The following RP2 variants were observed in gnomAD, a reference collection of about 807,000 sequenced individuals.
The protein encoded by RP2 is RP2 activator of ARL3 GTPase, also known as protein XRP2.
RP2 carries 3 observed loss-of-function variants against 20.3 expected under a neutral mutation model. The observed-to-expected ratio is 0.15, with a 90% CI of 0.07 to 0.38. The LOEUF is 0.38. Among genes scored for constraint, RP2 ranks in the 10% least tolerant of loss-of-function variants. The probability of loss-of-function intolerance (pLI) is 1.00; values close to 1 mark genes in which losing one functional copy is unlikely to be tolerated. For missense variants in RP2, 233 were observed against 268.5 expected (o/e 0.87, Z 0.92); for synonymous variants, 75 against 94.8 (o/e 0.79, Z 1.22).
chrX:46,874,268 T>C (rs900001822), intron 3 of RP2, among the ~76,000 whole-genome samples: 6 of 111,724 alleles, frequency 5.4e-5, no homozygotes, highest in African/African-American at 1.9e-4. Flanking sequence ...GATTACATGT[T>C]CTTTATAGAA....
chrX:46,847,744 A>ATGTGTGTGTGTATATACACACG (rs1924754599), intron 1 of RP2, among the ~76,000 whole-genome samples: 1 of 81,529 alleles, frequency 1.2e-5, no homozygotes, highest in Non-Finnish European at 2.4e-5. Context: ...ATACACACAT[A>ATGTGTGTGTGTATATACACACG]TGTGTGTGTG....
intron 3 of RP2, among the ~76,000 whole-genome samples, chrX:46,864,385 T>TG (rs1181450995): frequency 1.9e-5 from 2 of 104,567 alleles, no homozygotes; most frequent in Non-Finnish European, 2.0e-5. Context: ...CTCACTGTGT[T>TG]GTCCAGGCTA....
At chrX:46,842,098 G>C (rs1249713505) in intron 1 of RP2, among the ~76,000 whole-genome samples, 1 of 111,385 alleles carries the variant, frequency 9.0e-6, no homozygotes, top group Admixed American at 9.6e-5. Context: ...TTTTTTAGTA[G>C]AGATGAGGTT....
At position 46,882,201 on chromosome X, in the gene RP2, TAA is replaced by T. The variant is rs1352364827; in HGVS notation, c.*2433_*2434del. ...AACAATGAAAAATTGGTAATTTTAT[TAA>T]GTTATATGTGTTTAAATATTATATT... On this transcript the variant is annotated 3_prime_UTR_variant, in exon 5 of 5. Transcript: ENST00000218340. 8.9e-6 allele frequency: 1 copy of T among 112,707 alleles called. No individual in the cohort carries two copies. Among genetic ancestry groups the T allele is most frequent in the Non-Finnish European group, 1.9e-5 (1 of 53,400 alleles). 9.3% of individuals were successfully genotyped at this position (112,707 alleles called of 1,213,427 possible). A position where few individuals can be genotyped will look rare whatever the true frequency, so the allele number is the denominator to read the frequency against.
Position 46,876,625 on chromosome X carries a change from GA to G in RP2, c.884-870del, listed in dbSNP as rs1266969421. Among the ~76,000 whole-genome samples the G allele has an allele frequency of 1.2e-4, 13 of 107,474 alleles. No homozygotes were observed. The South Asian group carries it at 4.3e-3, about 35-fold the overall frequency. The allele number at this position is 107,474 out of a possible 115,157, so 93.3% of individuals were successfully genotyped here. A position where few individuals can be genotyped will look rare whatever the true frequency, so the allele number is the denominator to read the frequency against. ...CCTGTATTATATCACAAGCCTCCAA[GA>G]AAAAAAAAATCACAAGCCTTCAGTT... On this transcript the variant is annotated intron_variant, in intron 3 of 4. Transcript: ENST00000218340.
chrX:46,860,163 A>T, intron 3 of RP2, 61 bp downstream of exon 3: 1 of 796,434 alleles, frequency 1.3e-6, no homozygotes, highest in Non-Finnish European at 1.9e-6. Context: ...GATTTGATTT[A>T]CTTTTGCCTT....
At chrX:46,843,433 A>G (rs995633778) in intron 1 of RP2, among the ~76,000 whole-genome samples, 2 of 112,214 alleles carry the variant, frequency 1.8e-5, no homozygotes, top group Non-Finnish European at 3.8e-5. Context: ...TAAAAAGCAT[A>G]GAGAGTGAAA....
At chrX:46,874,838 A>C (rs1039770479) in intron 3 of RP2, among the ~76,000 whole-genome samples, 16 of 107,626 alleles carry the variant, frequency 1.5e-4, no homozygotes, top group African/African-American at 5.4e-4. Context: ...TTTTTTTTTT[A>C]ATCTTCTATC....
chrX:46,877,692 G>T, intron 4 of RP2, 102 bp downstream of exon 4: 1 of 460,271 alleles, frequency 2.2e-6, no homozygotes, highest in Non-Finnish European at 3.6e-6. Flanking sequence ...AATGTTGCTT[G>T]GAATTTTTGG....
intron 3 of RP2, among the ~76,000 whole-genome samples, chrX:46,865,906 A>T (rs1925163047): frequency 9.2e-6 from 1 of 108,859 alleles, no homozygotes; most frequent in Non-Finnish European, 1.9e-5. Flanking sequence ...AGCCTGGGCG[A>T]CAGAGTGAGA....
chrX:46,857,513 C>A (rs1434080256), intron 2 of RP2, among the ~76,000 whole-genome samples: 2 of 112,004 alleles, frequency 1.8e-5, no homozygotes, highest in African/African-American at 6.5e-5. Context: ...GAGCTGAGAT[C>A]CCACCACTGC....
At chrX:46,878,333 C>T (rs1402673138) in intron 4 of RP2, among the ~76,000 whole-genome samples, 2 of 104,260 alleles carry the variant, frequency 1.9e-5, no homozygotes, top group African/African-American at 3.5e-5. Context: ...GCCGAGATCC[C>T]GCCACTGCAC....
intron 3 of RP2, among the ~76,000 whole-genome samples, chrX:46,863,049 A>G (rs1248717422): frequency 8.9e-6 from 1 of 112,483 alleles, no homozygotes; most frequent in Non-Finnish European, 1.9e-5. Flanking sequence ...TGGGGGAATT[A>G]TTCTGGATTA....
At chrX:46,868,847 G>A (rs1247579134) in intron 3 of RP2, among the ~76,000 whole-genome samples, 5 of 109,170 alleles carry the variant, frequency 4.6e-5, no homozygotes, top group Non-Finnish European at 9.5e-5. Flanking sequence ...TGTAGTCCCA[G>A]CACTTAGGGA....
intron 2 of RP2, among the ~76,000 whole-genome samples, chrX:46,855,797 AT>A (rs36117019): frequency 3.6e-4 from 38 of 104,255 alleles, no homozygotes; most frequent in Admixed American, 5.2e-4. Flanking sequence ...TTTTGAATGG[AT>A]TTTTTTTTTT....
At chrX:46,869,791 T>C (rs2147086853) in intron 3 of RP2, among the ~76,000 whole-genome samples, 1 of 107,385 alleles carries the variant, frequency 9.3e-6, no homozygotes, top group East Asian at 2.9e-4. Flanking sequence ...GTATTTTTAG[T>C]AGAGATGGGG....
At chrX:46,852,247 G>A (rs1484182155) in intron 1 of RP2, among the ~76,000 whole-genome samples, 6 of 110,314 alleles carry the variant, frequency 5.4e-5, no homozygotes, top group Non-Finnish European at 1.1e-4. Context: ...GGAAGGGAAG[G>A]AAGAGAGGAA....
intron 3 of RP2, among the ~76,000 whole-genome samples, chrX:46,874,915 G>T (rs1925349330): frequency 9.0e-6 from 1 of 110,806 alleles, no homozygotes; most frequent in Non-Finnish European, 1.9e-5. Flanking sequence ...TGGGAAAGAA[G>T]CTTGGTCAAT....
At chrX:46,858,501 T>G (rs1213200252) in intron 2 of RP2, among the ~76,000 whole-genome samples, 2 of 111,115 alleles carry the variant, frequency 1.8e-5, no homozygotes, top group Non-Finnish European at 3.8e-5. Flanking sequence ...GACAAGGTTT[T>G]GCTCTATTGT....
Sources: allele counts gnomAD v4.1 joint callset (sites outside exome capture counted in the v4.1 genomes callset), GRCh38; gene constraint gnomAD v4.1.1; transcripts MANE v1.5; gene names NCBI Gene and HGNC (gene_info 2026-07-23, HGNC 2026-07-21).